Variants in CDH7 observed in about 807,000 individuals in gnomAD.
CDH7 encodes the protein cadherin-7.
A neutral mutation model predicts 71.8 loss-of-function variants in CDH7; 25 were observed. The observed-to-expected ratio is 0.35, with a 90% CI of 0.25 to 0.49. CDH7 has a LOEUF of 0.49. Ranked by LOEUF, CDH7 falls within the 20% of genes least tolerant of loss-of-function variation. The pLI, the probability that CDH7 is intolerant of heterozygous loss-of-function variation, is 0.99. For missense variants in CDH7, 862 were observed against 974.6 expected, an observed-to-expected ratio of 0.88 and a Z score of 1.54; for synonymous variants, 381 against 363.8, an observed-to-expected ratio of 1.05 and a Z score of -0.54.
intron 6 of CDH7, among the ~76,000 whole-genome samples, chr18:65,834,657 C>A (rs1484726): frequency 1.3e-5 from 2 of 152,044 alleles, no homozygotes; most frequent in Middle Eastern, 3.2e-3. Context: ...TTGATGGATC[C>A]TGACATCTAT....
chr18:65,835,895 A>C (rs1033578229), intron 6 of CDH7, among the ~76,000 whole-genome samples: 3 of 152,208 alleles, frequency 2.0e-5, no homozygotes, highest in African/African-American at 7.2e-5. Context: ...AACGTGATTA[A>C]GTTACGGAGC....
intron 6 of CDH7, among the ~76,000 whole-genome samples, chr18:65,827,707 T>C (rs1044412863): frequency 1.3e-5 from 2 of 151,952 alleles, no homozygotes; most frequent in Non-Finnish European, 2.9e-5. Context: ...ATGTGGAGAA[T>C]ATATATACCA....
chr18:65,859,251 A>T (rs1488914235), intron 9 of CDH7, among the ~76,000 whole-genome samples: 1 of 152,222 alleles, frequency 6.6e-6, no homozygotes, highest in Non-Finnish European at 1.5e-5. Flanking sequence ...TTCCTCAGGA[A>T]GGAAAGGTAA....
chr18:65,763,000 A>T lies in CDH7; in HGVS notation c.158A>T (p.Gln53Leu). ...ACCAAGCGCAGCTGGGTGTGGAATC[A>T]GTTCTTTGTGCTGGAGGAATACATG... ...SRTKRSWVWN[Q>L]FFVLEEYMGS... Residue 53 changes from glutamine (Q) to leucine (L), a missense_variant, in exon 2 of 12, where the codon CAG becomes CTG. Gln to Leu is a moderately radical substitution (Grantham distance 113). Coordinates refer to ENST00000397968, the MANE Select transcript of CDH7 (RefSeq NM_004361.5). The T allele has an allele frequency of 6.2e-7, 1 of 1,613,550 alleles. No homozygotes were observed. Among genetic ancestry groups the T allele is most frequent in the Non-Finnish European group, 8.5e-7 (1 of 1,179,764 alleles).
chr18:65,762,274 A>T (rs1916213031), intron 1 of CDH7, among the ~76,000 whole-genome samples: 1 of 152,210 alleles, frequency 6.6e-6, no homozygotes, highest in Admixed American at 6.5e-5. Context: ...CAACGAATGA[A>T]AATCACTGTA....
chr18:65,802,692 CTCAGCTTCAATT>C (rs1340986795), intron 2 of CDH7, among the ~76,000 whole-genome samples: 1 of 152,046 alleles, frequency 6.6e-6, no homozygotes, highest in Non-Finnish European at 1.5e-5. Context: ...AGGATGAAGC[CTCAGCTTCAATT>C]TTGATCATTA....
At chr18:65,850,919 C>T (rs1486495135) in intron 7 of CDH7, among the ~76,000 whole-genome samples, 1 of 151,210 alleles carries the variant, frequency 6.6e-6, no homozygotes, top group Non-Finnish European at 1.5e-5. Context: ...TCAGGTGATC[C>T]TCCCATTTCA....
At chr18:65,751,971 T>A (rs1359084821) in intron 1 of CDH7, among the ~76,000 whole-genome samples, 1 of 152,224 alleles carries the variant, frequency 6.6e-6, no homozygotes, top group Non-Finnish European at 1.5e-5. Flanking sequence ...AGATTGGCAA[T>A]GAGTTCACCC....
At chr18:65,793,322 TCTC>T (rs1038325018) in intron 2 of CDH7, among the ~76,000 whole-genome samples, 2 of 150,880 alleles carry the variant, frequency 1.3e-5, no homozygotes, top group African/African-American at 4.9e-5. Flanking sequence ...CATTTCAGCT[TCTC>T]CACAGGCTGT....
At chr18:65,805,988 A>G (rs1362280181) in intron 2 of CDH7, among the ~76,000 whole-genome samples, 4 of 152,202 alleles carry the variant, frequency 2.6e-5, no homozygotes, top group African/African-American at 4.8e-5. Flanking sequence ...ATGATTCAGA[A>G]TGAATGAAAA....
rs7229292 is a variant in CDH7 at position 65,762,926 on chromosome 18, A to G, written c.84A>G (p.Glu28=). ...GTTTTTCTGGGATGAGTCAAGCAGA[A>G]CTCTCAAGGTCCAGATCAAAGCCCT... is the stretch of plus-strand genomic sequence containing the variant. The part of the protein sequence containing the change: ...FLCFSGMSQA[E]LSRSRSKPYF... The change falls in exon 2 of 12, where the codon GAA becomes GAG. Residue 28 remains glutamate, a synonymous_variant. Transcript: ENST00000397968. 8,703 of 1,613,538 alleles carry G rather than the reference A, an allele frequency of 5.4e-3. 379 individuals are homozygous for G. In the African/African-American group the frequency reaches 0.098, roughly 18 times the overall value.
chr18:65,871,275 C>T (rs1913918942), intron 11 of CDH7, among the ~76,000 whole-genome samples: 1 of 152,160 alleles, frequency 6.6e-6, no homozygotes, highest in Non-Finnish European at 1.5e-5. Context: ...GGTAGCACTA[C>T]TTAAGCCCTT....
chr18:65,816,502 G>A (rs145463427), intron 4 of CDH7, among the ~76,000 whole-genome samples: 2,605 of 152,078 alleles, frequency 0.017, 28 homozygotes, highest in Admixed American at 0.026. Context: ...TTTTTGGGAA[G>A]AAAGTAAAAT....
intron 4 of CDH7, among the ~76,000 whole-genome samples, 164 bp from the exon 5 acceptor site, chr18:65,821,917 A>G (rs1318723631): frequency 1.3e-5 from 2 of 152,140 alleles, no homozygotes; most frequent in East Asian, 1.9e-4. Flanking sequence ...ATTGTGTAAA[A>G]CTATCCTATT....
chr18:65,770,079 T>C (rs1469712624), intron 2 of CDH7, among the ~76,000 whole-genome samples: 1 of 152,214 alleles, frequency 6.6e-6, no homozygotes, highest in East Asian at 1.9e-4. Flanking sequence ...CTGTTGTCCA[T>C]GTTTAGAATC....
rs561867201 is a variant in CDH7 at position 65,873,049 on chromosome 18, T to C, written c.1865-7352T>C. 1.3e-3 allele frequency among the ~76,000 whole-genome samples: 199 copies of C among 152,198 alleles called. 1 individual carries two copies. Among genetic ancestry groups the C allele is most frequent in the Middle Eastern group, 3.4e-3 (1 of 294 alleles). ...AAGACAGATTTTTTAATAAACTTCA[T>C]GTAAATCAACAGGATCAATAAATGG... is the stretch of plus-strand genomic sequence containing the variant. On this transcript the variant is annotated intron_variant, in intron 11 of 11. Transcript: ENST00000397968.
chr18:65,820,263 C>T (rs919423014), intron 4 of CDH7, among the ~76,000 whole-genome samples: 2 of 150,480 alleles, frequency 1.3e-5, no homozygotes, highest in Non-Finnish European at 3.0e-5. Flanking sequence ...TTTCAAAGAG[C>T]CCATAGATAG....
rs903253832 is a variant in CDH7, at chr18:65,875,264, A to G, written c.1865-5137A>G. ...GTTCATAATAGAATACATTCATTGG[A>G]AAGAAGGGATACTTATTGTAGAGAC... On this transcript the variant is annotated intron_variant, in intron 11 of 11. Coordinates refer to ENST00000397968, the MANE Select transcript of CDH7 (RefSeq NM_004361.5). 2.0e-5 allele frequency among the ~76,000 whole-genome samples: 3 copies of G among 152,288 alleles called. No homozygotes were observed. The East Asian group carries it at 5.8e-4, about 29-fold the overall frequency.
chr18:65,782,103 CTTCCTTCT>C lies in CDH7; in HGVS notation c.210+19055_210+19062del, dbSNP rs1275432779. 3.4e-3 allele frequency among the ~76,000 whole-genome samples: 106 copies of C among 30,982 alleles called. 1 individual carries two copies. The highest frequency in any genetic ancestry group is 8.8e-3 in the East Asian group (14 of 1,594). The allele number at this position is 30,982 out of a possible 152,430, so 20.3% of individuals were successfully genotyped here. On this transcript the variant is annotated intron_variant, in intron 2 of 11. Transcript: ENST00000397968. ...CTTTCCTTCCTTCCTTCCTTCCTTC[CTTCCTTCT>C]TTCTTTCTTTCTTTCTTTCTTTCTT...
Sources: allele counts gnomAD v4.1 joint callset (sites outside exome capture counted in the v4.1 genomes callset), GRCh38; gene constraint gnomAD v4.1.1; transcripts MANE v1.5; gene names NCBI Gene and HGNC (gene_info 2026-07-23, HGNC 2026-07-21).